MSRB3: variants seen among roughly 807,000 people sequenced by gnomAD.
MSRB3 encodes methionine sulfoxide reductase B3.
A neutral mutation model predicts 21.0 loss-of-function variants in MSRB3; 13 were observed. That is an observed-to-expected ratio of 0.62 (90% CI 0.40 to 0.98). MSRB3 has a LOEUF of 0.98. Ranked by LOEUF, MSRB3 falls within the 50% of genes least tolerant of loss-of-function variation. MSRB3 has a pLI of 0.00. For missense variants in MSRB3, 199 were observed against 230.3 expected (o/e 0.86, Z 0.88); for synonymous variants, 87 against 88.6 (o/e 0.98, Z 0.10).
At chr12:65,343,633 T>C (rs758026413) in intron 4 of MSRB3, among the ~76,000 whole-genome samples, 2 of 152,108 alleles carry the variant, frequency 1.3e-5, no homozygotes, top group African/African-American at 2.4e-5. Context: ...CTTTATTTTT[T>C]ACAACTTAAA....
chr12:65,414,346 G>T (rs7316273), intron 5 of MSRB3, among the ~76,000 whole-genome samples: 3 of 151,876 alleles, frequency 2.0e-5, no homozygotes, highest in Non-Finnish European at 2.9e-5. Flanking sequence ...TTTCCAGATA[G>T]ACAGTCATGC....
At chr12:65,451,306 G>A (rs1882848395) in intron 5 of MSRB3, among the ~76,000 whole-genome samples, 1 of 151,802 alleles carries the variant, frequency 6.6e-6, no homozygotes, top group South Asian at 2.1e-4. Flanking sequence ...TTTAAATAAT[G>A]CCATGGTAAA....
chr12:65,382,376 C>A (rs1878983988), intron 5 of MSRB3, among the ~76,000 whole-genome samples: 1 of 151,594 alleles, frequency 6.6e-6, no homozygotes, highest in Non-Finnish European at 1.5e-5. Context: ...AAATTTATTT[C>A]TATGTTAGAA....
At chr12:65,439,495 A>G (rs1463506042) in intron 5 of MSRB3, among the ~76,000 whole-genome samples, 2 of 151,664 alleles carry the variant, frequency 1.3e-5, no homozygotes, top group African/African-American at 4.8e-5. Context: ...TTGTATTCTC[A>G]TGGAACATTA....
At chr12:65,440,157 G>A (rs933889470) in intron 5 of MSRB3, among the ~76,000 whole-genome samples, 3 of 151,650 alleles carry the variant, frequency 2.0e-5, no homozygotes, top group African/African-American at 4.8e-5. Flanking sequence ...TAATACTATA[G>A]CATATACTTA....
At chr12:65,380,666 A>G (rs763847543) in intron 5 of MSRB3, among the ~76,000 whole-genome samples, 4 of 152,186 alleles carry the variant, frequency 2.6e-5, no homozygotes, top group Middle Eastern at 3.2e-3. Context: ...TCTGCCTAAT[A>G]TGTAATATGC....
chr12:65,438,118 A>C (rs891761534), intron 5 of MSRB3, among the ~76,000 whole-genome samples: 2 of 151,882 alleles, frequency 1.3e-5, no homozygotes, highest in African/African-American at 4.8e-5. Context: ...TGTGTTATTT[A>C]TTTCTTGCAG....
chr12:65,370,217 T>C (rs903766951), intron 5 of MSRB3, among the ~76,000 whole-genome samples: 1 of 152,182 alleles, frequency 6.6e-6, no homozygotes, highest in Non-Finnish European at 1.5e-5. Flanking sequence ...TGGCATTGTG[T>C]CAACTGTTTG....
intron 4 of MSRB3, among the ~76,000 whole-genome samples, chr12:65,368,514 C>T (rs2066975828): frequency 1.3e-5 from 2 of 152,132 alleles, no homozygotes; most frequent in African/African-American, 4.8e-5. Flanking sequence ...CATAATGTTC[C>T]CACAAGAGCT....
intron 5 of MSRB3, among the ~76,000 whole-genome samples, chr12:65,441,099 G>A (rs1294744487): frequency 6.6e-6 from 1 of 151,786 alleles, no homozygotes; most frequent in Non-Finnish European, 1.5e-5. Flanking sequence ...CAGTACCATA[G>A]TGTCTTTGCC....
At chr12:65,411,389 A>G (rs1880708126) in intron 5 of MSRB3, among the ~76,000 whole-genome samples, 2 of 152,322 alleles carry the variant, frequency 1.3e-5, no homozygotes, top group South Asian at 4.1e-4. Flanking sequence ...GTTGAATAAA[A>G]TATGTCCTTC....
intron 1 of MSRB3, among the ~76,000 whole-genome samples, chr12:65,290,731 A>G (rs1195588592): frequency 1.3e-5 from 2 of 152,214 alleles, no homozygotes; most frequent in Non-Finnish European, 2.9e-5. Context: ...ATATTTGGAC[A>G]ATGCCCTCCT....
At chr12:65,352,543 A>T (rs901100223) in intron 4 of MSRB3, among the ~76,000 whole-genome samples, 13 of 152,098 alleles carry the variant, frequency 8.5e-5, no homozygotes, top group African/African-American at 1.2e-4. Flanking sequence ...TGCAGACGAC[A>T]TGATTGTATA....
At chr12:65,351,748 C>T (rs1339565188) in intron 4 of MSRB3, among the ~76,000 whole-genome samples, 3 of 151,170 alleles carry the variant, frequency 2.0e-5, no homozygotes, top group African/African-American at 7.4e-5. Context: ...ATACACTCTC[C>T]CAAGACTAAA....
rs754385084 is a variant in MSRB3, at chr12:65,326,842, A to C, written c.93A>C (p.Lys31Asn). 6.2e-7 allele frequency: 1 copy of C among 1,613,284 alleles called. No homozygotes were observed. Among genetic ancestry groups the C allele is most frequent in the East Asian group, 2.2e-5 (1 of 44,864 alleles). The change falls in exon 3 of 7, where the codon AAA (lysine) becomes AAC (asparagine). Residue 31 changes from lysine (K) to asparagine (N), a missense_variant. Transcript: ENST00000308259. ...TCTTTTCAGGGTCGTGTAGGGATAA[A>C]AAGAACTGTAAGGTGGTCTTTTCCC... ...CGLPSGSCRD[K>N]KNCKVVFSQQ...
intron 5 of MSRB3, among the ~76,000 whole-genome samples, chr12:65,436,772 C>T (rs762890963): frequency 1.3e-5 from 2 of 151,834 alleles, no homozygotes; most frequent in Non-Finnish European, 2.9e-5. Context: ...TAGTTATATT[C>T]TGTAATAGAC....
intron 5 of MSRB3, among the ~76,000 whole-genome samples, chr12:65,451,227 G>A (rs535913833): frequency 6.6e-6 from 1 of 152,280 alleles, no homozygotes; most frequent in South Asian, 2.1e-4. Context: ...AAGAGACATT[G>A]TGAGTTTTGG....
intron 1 of MSRB3, among the ~76,000 whole-genome samples, chr12:65,297,557 T>C (rs1164849049): frequency 6.6e-6 from 1 of 152,122 alleles, no homozygotes; most frequent in Non-Finnish European, 1.5e-5. Flanking sequence ...TGTTAGGTAG[T>C]AGAAATAAAG....
At chr12:65,398,926 G>C (rs1879963757) in intron 5 of MSRB3, among the ~76,000 whole-genome samples, 1 of 151,942 alleles carries the variant, frequency 6.6e-6, no homozygotes, top group African/African-American at 2.4e-5. Context: ...TAGGTGTGTG[G>C]CGTTATTTCT....
Sources: allele counts gnomAD v4.1 joint callset (sites outside exome capture counted in the v4.1 genomes callset), GRCh38; gene constraint gnomAD v4.1.1; transcripts MANE v1.5; gene names NCBI Gene and HGNC (gene_info 2026-07-23, HGNC 2026-07-21).